Variants in NEBL observed in about 807,000 individuals in gnomAD.
The protein encoded by NEBL is LIM and SH3 protein 2.
Under a neutral mutation model 140.2 loss-of-function variants are expected in NEBL, and 122 were observed. The observed-to-expected ratio is 0.87, with a 90% CI of 0.75 to 1.01. The LOEUF (loss-of-function observed/expected upper bound fraction) is 1.01, where lower values mean the gene tolerates loss of function less well. Ranked by LOEUF, NEBL falls within the 50% of genes least tolerant of loss-of-function variation. The pLI is 0.00. For synonymous variants in NEBL, 436 were observed against 398.9 expected, an observed-to-expected ratio of 1.09 and a Z score of -1.11; for missense variants, 1,365 against 1,231.3, an observed-to-expected ratio of 1.11 and a Z score of -1.62.
chr10:21,269,679 T>C (rs915815439), intron 1 of NEBL, among the ~76,000 whole-genome samples: 1 of 152,244 alleles, frequency 6.6e-6, no homozygotes, highest in African/African-American at 2.4e-5. Flanking sequence ...TGCATCAGGC[T>C]GTCCATACTG....
intron 2 of NEBL, among the ~76,000 whole-genome samples, chr10:21,095,274 T>C (rs954336115): frequency 2.0e-5 from 3 of 152,004 alleles, no homozygotes; most frequent in Non-Finnish European, 4.4e-5. Flanking sequence ...TGGTAAAAGG[T>C]AAAGACATTT....
At position 20,815,734 on chromosome 10, in the gene NEBL, C is replaced by CA; in HGVS notation, c.2149-18dup. The CA allele has an allele frequency of 6.7e-7, 1 of 1,488,640 alleles. No homozygotes were observed. Among genetic ancestry groups the CA allele is most frequent in the Non-Finnish European group, 9.4e-7 (1 of 1,066,452 alleles). 92.2% of individuals were successfully genotyped at this position (1,488,640 alleles called of 1,614,324 possible). Reference sequence around the variant, plus strand: ...GTAATAAACCTATCATTTCAGAGAACAAAAAATAGAATACTATGAATCAAT... The same window carrying CA: ...GTAATAAACCTATCATTTCAGAGAACAAAAAAATAGAATACTATGAATCAAT... On this transcript the variant is annotated splice_polypyrimidine_tract_variant and intron_variant, in intron 21 of 27. Transcript: ENST00000377122.
At chr10:20,853,498 C>T (rs193224448) in intron 9 of NEBL, among the ~76,000 whole-genome samples, 1 of 152,106 alleles carries the variant, frequency 6.6e-6, no homozygotes, top group African/African-American at 2.4e-5. Flanking sequence ...CGAGATCCTG[C>T]CATTTGCAAC....
rs1040887684 is a variant in NEBL, at chr10:21,080,390, G to A, written c.165-60189C>T. On this transcript the variant is annotated intron_variant, in intron 2 of 6. Transcript: ENST00000417816. ...TGGTAAATATTCATACTTTGAGGGC[G>A]AATTTCATTTTTGGGAACAGCTGAG... Among the ~76,000 whole-genome samples the A allele has an allele frequency of 7.9e-5, 12 of 152,264 alleles. No individual in the cohort carries two copies. The South Asian group carries it at 1.9e-3, about 24-fold the overall frequency.
intron 3 of NEBL, among the ~76,000 whole-genome samples, chr10:21,182,942 C>G (rs1040350750): frequency 1.3e-5 from 2 of 152,182 alleles, no homozygotes; most frequent in African/African-American, 2.4e-5. Flanking sequence ...ATTGGACTAG[C>G]CACATTGCAA....
intron 2 of NEBL, among the ~76,000 whole-genome samples, chr10:21,026,822 T>C (rs925436104): frequency 6.6e-6 from 1 of 152,182 alleles, no homozygotes. Flanking sequence ...GGGAGGGTTT[T>C]CTACCATCAT....
At chr10:21,202,461 C>CTTTTTTTTTTTTTTTTTTTTTTTTTTTT (rs35623208) in intron 3 of NEBL, among the ~76,000 whole-genome samples, 2 of 117,294 alleles carry the variant, frequency 1.7e-5, no homozygotes, top group African/African-American at 3.4e-5. Flanking sequence ...TTTTCTTTTT[C>CTTTTTTTTTTTTTTTTTTTTTTTTTTTT]TTTTTTTTTT....
chr10:21,084,681 C>T (rs1836541361), intron 2 of NEBL, among the ~76,000 whole-genome samples: 1 of 152,120 alleles, frequency 6.6e-6, no homozygotes, highest in Admixed American at 6.6e-5. Flanking sequence ...TAGAAGAGTT[C>T]AACCAGAAAT....
At chr10:20,967,173 T>C (rs1289190799) in intron 3 of NEBL, among the ~76,000 whole-genome samples, 3 of 148,296 alleles carry the variant, frequency 2.0e-5, no homozygotes, top group African/African-American at 7.7e-5. Context: ...ACGTTGTTTC[T>C]ATTTTCAAAG....
intron 3 of NEBL, among the ~76,000 whole-genome samples, chr10:21,203,267 T>C (rs1181570635): frequency 6.6e-6 from 1 of 152,160 alleles, no homozygotes; most frequent in Admixed American, 6.5e-5. Context: ...ACGTTCTCTG[T>C]ACAGTCATTT....
intron 19 of NEBL, 59 bp from the exon 20 acceptor site, chr10:20,819,575 T>C (rs1839081805): frequency 5.0e-6 from 8 of 1,591,202 alleles, no homozygotes; most frequent in African/African-American, 1.3e-5. Context: ...TCCCAAAACA[T>C]TGCAACAGAT....
chr10:21,148,547 G>A (rs530395016), intron 2 of NEBL, among the ~76,000 whole-genome samples: 8 of 151,740 alleles, frequency 5.3e-5, no homozygotes, highest in Non-Finnish European at 1.2e-4. Context: ...TTGTTTTTTA[G>A]ACAGAGTCTC....
At chr10:21,143,995 C>A (rs186248240) in intron 2 of NEBL, among the ~76,000 whole-genome samples, 1 of 152,106 alleles carries the variant, frequency 6.6e-6, no homozygotes, top group Admixed American at 6.5e-5. Context: ...GAATAAGATA[C>A]CACTGAAAAC....
intron 27 of NEBL, 52 bp from the exon 28 acceptor site, chr10:20,785,975 C>G: frequency 6.4e-7 from 1 of 1,559,602 alleles, no homozygotes. Flanking sequence ...GCTACAGCCA[C>G]AAATTCCAAT....
chr10:20,928,296 G>A (rs1834008854), intron 4 of NEBL, among the ~76,000 whole-genome samples: 1 of 152,136 alleles, frequency 6.6e-6, no homozygotes, highest in Admixed American at 6.5e-5. Context: ...CAATTTCTCA[G>A]TTACACCAGC....
At chr10:21,172,378 C>T in intron 2 of NEBL, 1 of 1,607,668 alleles carries the variant, frequency 6.2e-7, no homozygotes, top group Non-Finnish European at 8.5e-7. Context: ...GTTGACAATA[C>T]TTACGCATTA....
intron 3 of NEBL, among the ~76,000 whole-genome samples, chr10:20,989,817 C>A (rs544144270): frequency 1.3e-5 from 2 of 152,086 alleles, no homozygotes; most frequent in African/African-American, 4.8e-5. Context: ...CTTACCCTGA[C>A]GTCTGCAGAG....
At chr10:20,976,009 T>C (rs1564468176) in intron 3 of NEBL, among the ~76,000 whole-genome samples, 1 of 152,084 alleles carries the variant, frequency 6.6e-6, no homozygotes, top group Non-Finnish European at 1.5e-5. Flanking sequence ...GCCTGTATTG[T>C]GAAAAATCTA....
At chr10:21,215,140 A>G (rs774359178) in intron 3 of NEBL, among the ~76,000 whole-genome samples, 13 of 152,080 alleles carry the variant, frequency 8.5e-5, no homozygotes, top group African/African-American at 3.1e-4. Context: ...CTAACATACA[A>G]TTTGGTTAGA....
Sources: gnomAD v4.1 joint callset for allele counts (sites outside exome capture counted in the v4.1 genomes callset) on GRCh38, gnomAD v4.1.1 for gene constraint, MANE v1.5 for transcripts, NCBI Gene and HGNC (gene_info 2026-07-23, HGNC 2026-07-21) for gene names.